Variants in SGCE observed in about 807,000 individuals in gnomAD.
The protein encoded by SGCE is epsilon-sarcoglycan.
A neutral mutation model predicts 57.8 loss-of-function variants in SGCE; 26 were observed. That is an observed-to-expected ratio of 0.45 (90% CI 0.33 to 0.62). The LOEUF (loss-of-function observed/expected upper bound fraction) is 0.62. SGCE is among the 20% of genes least tolerant of loss of function. The pLI, the probability that SGCE is intolerant of heterozygous loss-of-function variation, is 0.02. For synonymous variants in SGCE, 183 were observed against 189.5 expected (o/e 0.97, Z 0.28); for missense variants, 468 against 548.6 (o/e 0.85, Z 1.47).
intron 1 of SGCE, among the ~76,000 whole-genome samples, chr7:94,646,543 C>G (rs1260081786): frequency 6.6e-6 from 1 of 152,166 alleles, no homozygotes; most frequent in Non-Finnish European, 1.5e-5. Context: ...TGCACCATTA[C>G]AATTTAATGT....
intron 1 of SGCE, among the ~76,000 whole-genome samples, chr7:94,644,979 C>T (rs1054390624): frequency 2.6e-5 from 4 of 152,128 alleles, no homozygotes; most frequent in Non-Finnish European, 2.9e-5. Flanking sequence ...CTAATGTAAT[C>T]CTTACAATGA....
chr7:94,590,452 G>T (rs185374797), intron 9 of SGCE: 1 of 152,108 alleles, frequency 6.6e-6, no homozygotes, highest in Non-Finnish European at 1.5e-5. Context: ...ATTTTGTTTA[G>T]TATCCTCAGC....
chr7:94,624,022 C>T (rs961268616), intron 3 of SGCE: 1 of 393,120 alleles, frequency 2.5e-6, no homozygotes, highest in Admixed American at 4.4e-5. Flanking sequence ...AGCCAATAGA[C>T]TTACATCAAA....
chr7:94,586,061 GAAAAAAAAAA>G (rs780812386), intron 10 of SGCE, among the ~76,000 whole-genome samples: 2 of 28,908 alleles, frequency 6.9e-5, no homozygotes, highest in African/African-American at 1.5e-4. Flanking sequence ...GGAACTAAAT[GAAAAAAAAAA>G]AAAAAAAAAA....
intron 5 of SGCE, among the ~76,000 whole-genome samples, chr7:94,605,471 A>T (rs1300095623): frequency 1.3e-5 from 2 of 150,586 alleles, no homozygotes; most frequent in Non-Finnish European, 3.0e-5. Flanking sequence ...ATATATCTAC[A>T]TATATGTTTA....
intron 9 of SGCE, 163 bp downstream of exon 9, chr7:94,598,612 G>T: frequency 1.5e-6 from 1 of 667,122 alleles, no homozygotes. Flanking sequence ...TAATTGTATT[G>T]TATATTTCAG....
intron 3 of SGCE, chr7:94,624,098 A>G: frequency 2.5e-6 from 1 of 396,314 alleles, no homozygotes; most frequent in Admixed American, 4.4e-5. Context: ...ATATGGCTTC[A>G]AAACTTAAGG....
Position 94,628,334 on chromosome 7 carries a change from T to A in SGCE, c.258A>T (p.Thr86=). ...GGTAACCCATTAAATTTGTATTAAA[T>A]GTTATGGGATCATTACTAATCTCGC... ...KPGEISNDPI[T]FNTNLMGYPD... The change falls in exon 3 of 11, where the codon ACA becomes ACT. Residue 86 remains threonine, a synonymous_variant. Coordinates refer to ENST00000648936, the MANE Select transcript of SGCE (RefSeq NM_003919.3). 1 of 1,610,902 alleles carries A rather than the reference T, an allele frequency of 6.2e-7. No homozygotes were observed. Among genetic ancestry groups the A allele is most frequent in the Non-Finnish European group, 8.5e-7 (1 of 1,177,760 alleles).
intron 1 of SGCE, 147 bp from the exon 2 acceptor site, chr7:94,629,988 A>G (rs562930091): frequency 2.3e-6 from 2 of 866,370 alleles, no homozygotes; most frequent in South Asian, 3.5e-5. Context: ...AACTGTTAAT[A>G]ACAATTTGTT....
At chr7:94,618,674 G>T in intron 5 of SGCE, 84 bp downstream of exon 5, 1 of 1,120,858 alleles carries the variant, frequency 8.9e-7, no homozygotes. Context: ...AATGCAATAG[G>T]CCATCTTCCA....
Position 94,629,773 on chromosome 7 carries a change from G to A in SGCE, c.178C>T (p.His60Tyr). 6.2e-7 allele frequency: 1 copy of A among 1,611,000 alleles called. No individual in the cohort carries two copies. The highest frequency in any genetic ancestry group is 8.5e-7 in the Non-Finnish European group (1 of 1,177,716). The change falls in exon 2 of 11, where the codon CAT becomes TAT. Residue 60 changes from histidine to tyrosine, a missense_variant. Physicochemically the swap from His to Tyr is moderately conservative, Grantham distance 83. Coordinates refer to ENST00000648936, the MANE Select transcript of SGCE (RefSeq NM_003919.3). ...TTAAAATATTCTCTTTCCAAAACAT[G>A]AACAAAGAGGACACCTGCTGATGGG... ...VYPSAGVLFV[H>Y]VLEREYFKGE...
intron 6 of SGCE, among the ~76,000 whole-genome samples, chr7:94,602,199 C>T (rs1297695928): frequency 6.6e-6 from 1 of 152,016 alleles, no homozygotes; most frequent in Admixed American, 6.6e-5. Context: ...GTCTCCTGCA[C>T]CCTTGTATCG....
At chr7:94,615,798 G>A (rs928789057) in intron 5 of SGCE, among the ~76,000 whole-genome samples, 4 of 152,082 alleles carry the variant, frequency 2.6e-5, no homozygotes, top group Non-Finnish European at 5.9e-5. Context: ...CTCGCCTGTG[G>A]TTGGCAGCCA....
chr7:94,650,815 C>A (rs1807772515), intron 1 of SGCE, among the ~76,000 whole-genome samples: 1 of 152,212 alleles, frequency 6.6e-6, no homozygotes, highest in Non-Finnish European at 1.5e-5. Context: ...GTTCTACTTT[C>A]CGAAGCAAAC....
At chr7:94,598,384 A>G (rs547347988) in intron 9 of SGCE, 3 of 220,790 alleles carry the variant, frequency 1.4e-5, no homozygotes, top group East Asian at 2.6e-4. Context: ...ACAAAGGTCT[A>G]TGGTAATAAC....
chr7:94,636,873 G>A (rs1038561535), intron 1 of SGCE, among the ~76,000 whole-genome samples: 2 of 152,020 alleles, frequency 1.3e-5, no homozygotes, highest in African/African-American at 4.8e-5. Context: ...AGACCAGCCT[G>A]GCCAACATGG....
chr7:94,642,418 A>T (rs1419525722), intron 1 of SGCE, among the ~76,000 whole-genome samples: 3 of 152,202 alleles, frequency 2.0e-5, no homozygotes, highest in South Asian at 2.1e-4. Flanking sequence ...TTCCAAAAGC[A>T]ACATGCTGGT....
At chr7:94,604,843 ATATAT>A (rs1799835797) in intron 5 of SGCE, among the ~76,000 whole-genome samples, 1 of 75,524 alleles carries the variant, frequency 1.3e-5, no homozygotes, top group African/African-American at 4.0e-5. Flanking sequence ...ATATATATAT[ATATAT>A]ATATATATAT....
chr7:94,601,484 A>G lies in SGCE; in HGVS notation c.826-627T>C, dbSNP rs189618419. ...AAAAAAAAAAAAAAAAAACTACAAC[A>G]GTTGCACTATGTTAATTTACCTCCA... On this transcript the variant is annotated intron_variant, in intron 6 of 10. Transcript: ENST00000648936. Among the ~76,000 whole-genome samples the G allele has an allele frequency of 1.1e-3, 167 of 147,134 alleles. 2 individuals are homozygous for G. In the East Asian group the frequency reaches 0.029, roughly 25 times the overall value.
Sources: gnomAD v4.1 joint callset for allele counts (sites outside exome capture counted in the v4.1 genomes callset) on GRCh38, gnomAD v4.1.1 for gene constraint, MANE v1.5 for transcripts, NCBI Gene and HGNC (gene_info 2026-07-23, HGNC 2026-07-21) for gene names.